DSE: variants seen among roughly 807,000 people sequenced by gnomAD.
The protein encoded by DSE is dermatan sulfate epimerase, also known as dermatan-sulfate epimerase.
DSE carries 36 observed loss-of-function variants against 84.4 expected under a neutral mutation model. The ratio of observed to expected loss-of-function variants is 0.43; its 90% CI spans 0.33 to 0.56. The LOEUF (loss-of-function observed/expected upper bound fraction) is 0.56. DSE is among the 20% of genes least tolerant of loss of function. DSE has a pLI of 0.06. For missense variants in DSE, 862 were observed against 1,169.6 expected (o/e 0.74, Z 3.84); for synonymous variants, 410 against 430.1 (o/e 0.95, Z 0.58).
intron 2 of DSE, among the ~76,000 whole-genome samples, chr6:116,326,613 A>G (rs1284363578): frequency 6.6e-6 from 1 of 152,154 alleles, no homozygotes; most frequent in Non-Finnish European, 1.5e-5. Flanking sequence ...ACAGTCCTAC[A>G]CTGTGTCTCT....
intron 2 of DSE, among the ~76,000 whole-genome samples, chr6:116,272,146 C>G (rs1393031233): frequency 1.3e-5 from 2 of 152,154 alleles, no homozygotes; most frequent in Non-Finnish European, 2.9e-5. Context: ...GGTTGTTCCT[C>G]TTTATTGTTG....
chr6:116,404,910 C>T (rs1781820189), intron 2 of DSE, among the ~76,000 whole-genome samples: 1 of 151,352 alleles, frequency 6.6e-6, no homozygotes, highest in South Asian at 2.1e-4. Context: ...GCATTGGAGC[C>T]AGTTAGCTAC....
At chr6:116,272,026 A>G (rs560533625) in intron 2 of DSE, among the ~76,000 whole-genome samples, 27 of 152,324 alleles carry the variant, frequency 1.8e-4, no homozygotes, top group African/African-American at 6.3e-4. Context: ...TCACCATAAA[A>G]AAGTTTTCTA....
intron 2 of DSE, among the ~76,000 whole-genome samples, chr6:116,266,351 T>C (rs1772629980): frequency 6.6e-6 from 1 of 152,184 alleles, no homozygotes; most frequent in Non-Finnish European, 1.5e-5. Flanking sequence ...ATAAGCCTTA[T>C]TTGTTCCCTG....
At chr6:116,394,660 C>G (rs1441863225) in intron 1 of DSE, among the ~76,000 whole-genome samples, 1 of 152,068 alleles carries the variant, frequency 6.6e-6, no homozygotes, top group African/African-American at 2.4e-5. Context: ...GTTGACCAGG[C>G]TGGTCTCAAA....
At chr6:116,329,022 ACTC>A (rs1028638257) in intron 2 of DSE, among the ~76,000 whole-genome samples, 1 of 152,194 alleles carries the variant, frequency 6.6e-6, no homozygotes, top group African/African-American at 2.4e-5. Flanking sequence ...CAACAATACT[ACTC>A]CTCTTTGAAA....
intron 2 of DSE, among the ~76,000 whole-genome samples, chr6:116,329,863 C>T (rs1200231831): frequency 6.6e-6 from 1 of 152,132 alleles, no homozygotes; most frequent in African/African-American, 2.4e-5. Flanking sequence ...CTTGCTCTGT[C>T]CCCAGGCTGG....
rs1784378390 is a variant in DSE at position 116,440,022 on chromosome 6, G to A, written c.*2677G>A. 6.6e-6 allele frequency: 1 copy of A among 151,776 alleles called. No homozygotes were observed. 9.4% of individuals were successfully genotyped at this position (151,776 alleles called of 1,614,324 possible). ...CAGTTGATGGTAGATGAGACCTATG[G>A]TGGTGGATGAGACCCAGAATTTTCA... On this transcript the variant is annotated 3_prime_UTR_variant, in exon 6 of 6. Transcript: ENST00000644252.
At position 116,431,159 on chromosome 6, in the gene DSE, A is replaced by T; in HGVS notation, c.876A>T (p.Gln292His). The T allele has an allele frequency of 6.2e-7, 1 of 1,614,200 alleles. No homozygotes were observed. The highest frequency in any genetic ancestry group is 8.5e-7 in the Non-Finnish European group (1 of 1,180,028). Residue 292 changes from glutamine to histidine, a missense_variant, in exon 4 of 6, where the codon CAA becomes CAT. Gln to His is a conservative substitution (Grantham distance 24). Coordinates refer to ENST00000644252, the MANE Select transcript of DSE (RefSeq NM_013352.4). ...INHFGHPWLKQHFAFMYRTIL... is the reference protein window; with the variant it reads ...INHFGHPWLKHHFAFMYRTIL... ...ACTTTGGCCATCCGTGGCTTAAACA[A>T]CACTTTGCATTTATGTATAGAACCA...
chr6:116,396,507 C>T (rs187293879), intron 1 of DSE, among the ~76,000 whole-genome samples: 25 of 152,186 alleles, frequency 1.6e-4, no homozygotes, highest in African/African-American at 4.8e-4. Flanking sequence ...GGTGTTCTGA[C>T]GGAAATTAAT....
chr6:116,322,406 A>G (rs1299433880), intron 2 of DSE, among the ~76,000 whole-genome samples: 14 of 152,078 alleles, frequency 9.2e-5, no homozygotes, highest in Admixed American at 9.2e-4. Flanking sequence ...TAAGTGGAAT[A>G]TGATGTTAAA....
intron 2 of DSE, among the ~76,000 whole-genome samples, chr6:116,411,499 A>C (rs1261266068): frequency 6.6e-6 from 1 of 152,212 alleles, no homozygotes; most frequent in African/African-American, 2.4e-5. Flanking sequence ...TTGAAAAAGA[A>C]AAAAGGTTCC....
At chr6:116,358,692 T>G (rs1397574427) in intron 2 of DSE, among the ~76,000 whole-genome samples, 6 of 152,206 alleles carry the variant, frequency 3.9e-5, no homozygotes, top group African/African-American at 1.4e-4. Context: ...ACAAAGATAG[T>G]GTATTGCTTT....
intron 2 of DSE, among the ~76,000 whole-genome samples, chr6:116,312,755 T>C (rs536627233): frequency 3.9e-5 from 6 of 152,020 alleles, no homozygotes; most frequent in Non-Finnish European, 8.8e-5. Flanking sequence ...TTGTTATGGA[T>C]TGAGTTGCGT....
At chr6:116,393,050 C>T (rs1781015360) in intron 1 of DSE, among the ~76,000 whole-genome samples, 1 of 152,142 alleles carries the variant, frequency 6.6e-6, no homozygotes, top group Non-Finnish European at 1.5e-5. Context: ...AAATGTGTTA[C>T]TAAGAAACAG....
chr6:116,435,987 T>C lies in DSE; in HGVS notation c.1519T>C (p.Ser507Pro). The change falls in exon 6 of 6, where the codon TCA becomes CCA. Residue 507 changes from serine (S) to proline (P), a missense_variant. Transcript: ENST00000644252. The part of the protein sequence containing the change: ...PWVGQVTEDC[S>P]SKWSKYKHDL... The stretch of plus-strand genomic sequence containing the variant: ...GGTGGGTCAGGTCACAGAAGACTGC[T>C]CATCAAAATGGTCTAAATACAAGCA... 1 of 1,614,174 alleles carries C rather than the reference T, an allele frequency of 6.2e-7. No individual in the cohort carries two copies. The highest frequency in any genetic ancestry group is 8.5e-7 in the Non-Finnish European group (1 of 1,180,032).
At chr6:116,431,604 C>G (rs1783845523) in intron 4 of DSE, among the ~76,000 whole-genome samples, 1 of 151,868 alleles carries the variant, frequency 6.6e-6, no homozygotes, top group African/African-American at 2.4e-5. Flanking sequence ...TCAGTTTTTT[C>G]TTTCAAACTA....
intron 1 of DSE, among the ~76,000 whole-genome samples, chr6:116,373,558 T>C (rs918058712): frequency 6.6e-6 from 1 of 152,190 alleles, no homozygotes; most frequent in Non-Finnish European, 1.5e-5. Context: ...CTAATGTTTG[T>C]GTGTACATCT....
intron 1 of DSE, among the ~76,000 whole-genome samples, chr6:116,385,316 G>T (rs551563117): frequency 4.7e-4 from 71 of 152,172 alleles, no homozygotes; most frequent in Admixed American, 6.5e-4. Flanking sequence ...TCTGAATTAG[G>T]ATTGAACAGG....
Sources: gnomAD v4.1 joint callset for allele counts (sites outside exome capture counted in the v4.1 genomes callset) on GRCh38, gnomAD v4.1.1 for gene constraint, MANE v1.5 for transcripts, NCBI Gene and HGNC (gene_info 2026-07-23, HGNC 2026-07-21) for gene names.